SCD5: variants seen among roughly 807,000 people sequenced by gnomAD.
SCD5 encodes acyl-CoA-desaturase 4.
In SCD5, 20 loss-of-function variants were observed where a neutral mutation model predicts 30.4. That is an observed-to-expected ratio of 0.66 (90% CI 0.46 to 0.96). The LOEUF (loss-of-function observed/expected upper bound fraction) is 0.96, where lower values mean the gene tolerates loss of function less well. Ranked by LOEUF, SCD5 falls within the 40% of genes least tolerant of loss-of-function variation. The pLI, the probability that SCD5 is intolerant of heterozygous loss-of-function variation, is 0.00. For missense variants in SCD5, 381 were observed against 443.3 expected, an observed-to-expected ratio of 0.86 and a Z score of 1.26; for synonymous variants, 173 against 176.4, an observed-to-expected ratio of 0.98 and a Z score of 0.16.
intron 3 of SCD5, among the ~76,000 whole-genome samples, chr4:82,676,097 C>T (rs1353703264): frequency 1.3e-5 from 2 of 152,122 alleles, no homozygotes; most frequent in African/African-American, 2.4e-5. Context: ...GCAATGTGCT[C>T]CCTTCAGCCT....
Position 82,764,477 on chromosome 4 carries a change from C to A in SCD5, c.232+33829G>T, listed in dbSNP as rs184478431. ...GATTCCATTTTATTGCCTTTATTGG[C>A]TTATTAATGATAACTCTTTGTTTTT... On this transcript the variant is annotated intron_variant, in intron 1 of 4. Coordinates refer to ENST00000319540, the MANE Select transcript of SCD5 (RefSeq NM_001037582.3). 8.2e-3 allele frequency among the ~76,000 whole-genome samples: 1,250 copies of A among 152,170 alleles called. 10 individuals carry two copies. The highest frequency in any genetic ancestry group is 0.017 in the Middle Eastern group (5 of 294).
intron 2 of SCD5, among the ~76,000 whole-genome samples, chr4:82,691,241 G>C (rs1283180718): frequency 6.6e-6 from 1 of 152,152 alleles, no homozygotes. Flanking sequence ...GGCCAGGCTG[G>C]TCTCCAACTC....
chr4:82,783,757 C>T lies in SCD5; in HGVS notation c.232+14549G>A, dbSNP rs547679900. Among the ~76,000 whole-genome samples the T allele has an allele frequency of 2.3e-4, 34 of 149,716 alleles. No individual in the cohort carries two copies. In the East Asian group the frequency reaches 4.5e-3, roughly 20 times the overall value. ...GGCGGAGGTTGCAGTGAGCCGAGAT[C>T]GCACCATTGCACTCCAGCCTGGGCA... On this transcript the variant is annotated intron_variant, in intron 1 of 4. Coordinates refer to ENST00000319540, the MANE Select transcript of SCD5 (RefSeq NM_001037582.3).
At chr4:82,760,613 T>C (rs755272097) in intron 1 of SCD5, among the ~76,000 whole-genome samples, 3 of 152,158 alleles carry the variant, frequency 2.0e-5, no homozygotes, top group Non-Finnish European at 4.4e-5. Flanking sequence ...CAGGCTGGTC[T>C]CTAACTCACT....
At chr4:82,712,282 ATATATATATATATATT>A (rs1720120699) in intron 1 of SCD5, among the ~76,000 whole-genome samples, 2 of 44,538 alleles carry the variant, frequency 4.5e-5, no homozygotes, top group Non-Finnish European at 7.5e-5. Flanking sequence ...ATATATATAT[ATATATATATATATATT>A]TTATTTTTAT....
chr4:82,688,291 T>G (rs115455499), intron 2 of SCD5, among the ~76,000 whole-genome samples: 1 of 152,054 alleles, frequency 6.6e-6, no homozygotes, highest in Non-Finnish European at 1.5e-5. Context: ...TGCATGTACA[T>G]GTGCATGTGC....
chr4:82,766,986 A>G (rs867543871), intron 1 of SCD5, among the ~76,000 whole-genome samples: 5 of 151,922 alleles, frequency 3.3e-5, no homozygotes, highest in South Asian at 2.1e-4. Context: ...CCAATTCTAG[A>G]GATAATTTTA....
At chr4:82,698,717 C>T (rs981875146) in intron 2 of SCD5, among the ~76,000 whole-genome samples, 1 of 152,194 alleles carries the variant, frequency 6.6e-6, no homozygotes, top group Non-Finnish European at 1.5e-5. Context: ...TTGACTCCTC[C>T]CTCTGGATGC....
intron 2 of SCD5, among the ~76,000 whole-genome samples, chr4:82,694,306 C>G (rs1303890165): frequency 6.6e-6 from 1 of 152,226 alleles, no homozygotes; most frequent in Non-Finnish European, 1.5e-5. Context: ...ACGGTTCCCA[C>G]AGGCATCATG....
intron 1 of SCD5, among the ~76,000 whole-genome samples, chr4:82,766,582 T>C (rs777368736): frequency 2.0e-5 from 3 of 152,210 alleles, no homozygotes; most frequent in Non-Finnish European, 4.4e-5. Flanking sequence ...CTGTTTCTAT[T>C]GATTGCTTTT....
chr4:82,702,171 G>A (rs1403481001), intron 2 of SCD5, among the ~76,000 whole-genome samples: 1 of 93,110 alleles, frequency 1.1e-5, no homozygotes, highest in South Asian at 4.1e-4. Context: ...GTGAGATGGA[G>A]TCTCACTCTG....
At chr4:82,666,989 A>T (rs915770147) in intron 3 of SCD5, among the ~76,000 whole-genome samples, 16 of 152,312 alleles carry the variant, frequency 1.1e-4, no homozygotes, top group East Asian at 7.7e-4. Flanking sequence ...TACATATTTT[A>T]AAAAAATAAT....
intron 1 of SCD5, among the ~76,000 whole-genome samples, chr4:82,789,094 C>G (rs1722046573): frequency 6.6e-6 from 1 of 152,236 alleles, no homozygotes; most frequent in African/African-American, 2.4e-5. Flanking sequence ...GGCCTCCCCA[C>G]TGTTGCCAGT....
At chr4:82,757,649 C>T (rs929476352) in intron 1 of SCD5, among the ~76,000 whole-genome samples, 2 of 152,138 alleles carry the variant, frequency 1.3e-5, no homozygotes, top group African/African-American at 4.8e-5. Context: ...GCACATATCC[C>T]GGCTCCCGCA....
At chr4:82,631,572 G>GAAA in intron 4 of SCD5, 55 bp from the exon 5 acceptor site, 4 of 1,559,616 alleles carry the variant, frequency 2.6e-6, no homozygotes, top group Non-Finnish European at 3.5e-6. Flanking sequence ...CTGCATAGAT[G>GAAA]TTTTGAATCA....
intron 1 of SCD5, among the ~76,000 whole-genome samples, chr4:82,710,181 G>A (rs776071193): frequency 3.9e-5 from 6 of 152,084 alleles, no homozygotes; most frequent in Admixed American, 1.3e-4. Flanking sequence ...TCTCTCTCTC[G>A]GCAGATGATT....
At chr4:82,718,436 C>T (rs1390170590) in intron 1 of SCD5, among the ~76,000 whole-genome samples, 1 of 151,756 alleles carries the variant, frequency 6.6e-6, no homozygotes, top group Non-Finnish European at 1.5e-5. Flanking sequence ...CTCAGACCCT[C>T]CCTCACCATG....
chr4:82,798,714 G>C lies in SCD5; in HGVS notation c.-177C>G, dbSNP rs1389281891. The stretch of plus-strand genomic sequence containing the variant: ...CGCTCTTCCCCAGGGTCTTAGCGTG[G>C]CCTAGGGATGCAGATCTTGGCGGCC... On this transcript the variant is annotated 5_prime_UTR_variant, in exon 1 of 5. Coordinates refer to ENST00000319540, the MANE Select transcript of SCD5 (RefSeq NM_001037582.3). 3.4e-6 allele frequency: 2 copies of C among 591,788 alleles called. No individual in the cohort carries two copies. Among genetic ancestry groups the C allele is most frequent in the African/African-American group, 3.9e-5 (2 of 50,960 alleles). The allele number at this position is 591,788 out of a possible 1,614,324, so 36.7% of individuals were successfully genotyped here.
At chr4:82,685,879 C>T (rs1025144727) in intron 2 of SCD5, among the ~76,000 whole-genome samples, 30 of 151,580 alleles carry the variant, frequency 2.0e-4, no homozygotes, top group African/African-American at 6.3e-4. Context: ...ATTTTTTTTC[C>T]GTACCAAGTC....
Sources: allele counts gnomAD v4.1 joint callset (sites outside exome capture counted in the v4.1 genomes callset), GRCh38; gene constraint gnomAD v4.1.1; transcripts MANE v1.5; gene names NCBI Gene and HGNC (gene_info 2026-07-23, HGNC 2026-07-21).